Variants in UMOD observed in about 807,000 individuals in gnomAD.
UMOD encodes uromodulin, also known as Tamm-Horsfall urinary glycoprotein.
Under a neutral mutation model 66.0 loss-of-function variants are expected in UMOD, and 64 were observed. The ratio of observed to expected loss-of-function variants is 0.97; its 90% CI spans 0.79 to 1.19. The LOEUF (loss-of-function observed/expected upper bound fraction) is 1.19. UMOD is among the 50% of genes most tolerant of loss of function. The pLI, the probability that UMOD is intolerant of heterozygous loss-of-function variation, is 0.00. For missense variants in UMOD, 764 were observed against 850.9 expected (o/e 0.90, Z 1.27); for synonymous variants, 398 against 352.7 (o/e 1.13, Z -1.44).
intron 7 of UMOD, among the ~76,000 whole-genome samples, chr16:20,340,269 G>A (rs867764546): frequency 4.6e-5 from 7 of 152,042 alleles, no homozygotes; most frequent in African/African-American, 1.7e-4. Flanking sequence ...CTACTCATGA[G>A]GCTAAAGCTG....
upstream of UMOD, chr16:20,356,196 C>T (rs922420116): frequency 2.0e-5 from 3 of 152,246 alleles, no homozygotes; most frequent in East Asian, 5.8e-4. Context: ...CCACCTACCT[C>T]TCTGAGCACA....
chr16:20,345,015 TTTTG>T (rs1157476171), intron 5 of UMOD, among the ~76,000 whole-genome samples: 1 of 152,228 alleles, frequency 6.6e-6, no homozygotes, highest in Non-Finnish European at 1.5e-5. Context: ...AATTATTTCT[TTTTG>T]TTTGTTTGTT....
At chr16:20,349,706 A>G (rs1965796398) in intron 2 of UMOD, 7 of 1,506,752 alleles carry the variant, frequency 4.6e-6, no homozygotes, top group Non-Finnish European at 5.3e-6. Flanking sequence ...GAATTCCTAT[A>G]CTTTGGTAGG....
chr16:20,348,401 C>T lies in UMOD; in HGVS notation c.865+35G>A, dbSNP rs80142672. 0.013 allele frequency: 21,488 copies of T among 1,614,096 alleles called. 894 individuals carry two copies. The highest frequency in any genetic ancestry group is 0.097 in the South Asian group (8,841 of 91,078). ...CCGTCCTCTGCAGTGCCTTTCCAGG[C>T]CTGGGATGAGGACTGTGGGGAGACT... On this transcript the variant is annotated intron_variant, in intron 3 of 10. Transcript: ENST00000396138.
intron 9 of UMOD, among the ~76,000 whole-genome samples, chr16:20,335,891 A>G (rs975098231): frequency 6.6e-6 from 1 of 152,320 alleles, no homozygotes. Context: ...AAGAGAGCCA[A>G]CCTAGCCAAC....
intron 2 of UMOD, 65 bp downstream of exon 2, chr16:20,350,585 C>T: frequency 6.3e-7 from 1 of 1,588,580 alleles, no homozygotes; most frequent in Non-Finnish European, 8.6e-7. Context: ...TACATTGCTT[C>T]CCCCACACAT....
intron 4 of UMOD, among the ~76,000 whole-genome samples, chr16:20,347,248 C>A (rs940654364): frequency 2.6e-5 from 4 of 152,150 alleles, no homozygotes; most frequent in Non-Finnish European, 1.5e-5. Flanking sequence ...GTCTTGAACT[C>A]CTGACCTCAG....
In UMOD at chr16:20,336,705, C is replaced by A; in HGVS notation, c.1763G>T (p.Arg588Leu). 6.2e-7 allele frequency: 1 copy of A among 1,614,128 alleles called. No homozygotes were observed. Among genetic ancestry groups the A allele is most frequent in the Non-Finnish European group, 8.5e-7 (1 of 1,179,998 alleles). ...CKPTCSGTRFRSGSVIDQSRV... is the reference protein window; with the variant it reads ...CKPTCSGTRFLSGSVIDQSRV... ...GGATTGATCTATGACACTCCCACTT[C>A]GGAATCTGGTCCCAGAGCAGGTCTA... Residue 588 changes from arginine to leucine, a missense_variant, in exon 9 of 11, where the codon CGA (arginine) becomes CTA (leucine). Arg to Leu is a moderately radical substitution (Grantham distance 102). Coordinates refer to ENST00000396138, the MANE Select transcript of UMOD (RefSeq NM_003361.4).
Position 20,335,523 on chromosome 16 carries a change from T to G in UMOD, c.1823-3A>C. The G allele has an allele frequency of 3.1e-6, 5 of 1,614,038 alleles. No homozygotes were observed. Among genetic ancestry groups the G allele is most frequent in the Non-Finnish European group, 4.2e-6 (5 of 1,179,938 alleles). On this transcript the variant is annotated splice_region_variant and splice_polypyrimidine_tract_variant and intron_variant, in intron 9 of 10. Coordinates refer to ENST00000396138, the MANE Select transcript of UMOD (RefSeq NM_003361.4). ...CCTTGAGACTGTGGCCTGGACACCTTTGGAGGAAAACAGAAGGATCAGTGA... is the reference window on the plus strand; with the variant it reads ...CCTTGAGACTGTGGCCTGGACACCTGTGGAGGAAAACAGAAGGATCAGTGA...
At chr16:20,341,629 C>G (rs1596548017) in intron 6 of UMOD, among the ~76,000 whole-genome samples, 6 of 152,196 alleles carry the variant, frequency 3.9e-5, no homozygotes, top group Admixed American at 3.9e-4. Context: ...ATGGATCAAT[C>G]ACATCTCAAG....
chr16:20,345,441 TCTTC>T (rs1422001424), intron 5 of UMOD, among the ~76,000 whole-genome samples: 1 of 31,620 alleles, frequency 3.2e-5, no homozygotes, highest in Non-Finnish European at 1.2e-4. Flanking sequence ...TTTCTTTCTT[TCTTC>T]CTTTCTTCCT....
In UMOD at chr16:20,333,329, G is replaced by T. The variant is rs369335930; in HGVS notation, c.1908C>A (p.Thr636=). 4 of 1,613,108 alleles carry T rather than the reference G, an allele frequency of 2.5e-6. No individual in the cohort carries two copies. In the African/African-American group the frequency reaches 5.3e-5, roughly 22 times the overall value. The change falls in exon 11 of 11, where the codon ACC becomes ACA. Residue 636 remains threonine, a synonymous_variant. Transcript: ENST00000396138. ...CCGCTGTCAGTCACTGAAAAGTCAG[G>T]GTCAAGGTGGCCGAGAGAAGCAGAG... is the stretch of plus-strand genomic sequence containing the variant. The part of the protein sequence containing the change: ...WLPLLLSATL[T]LTFQ
chr16:20,347,057 G>A (rs1056806170), intron 4 of UMOD, among the ~76,000 whole-genome samples: 8 of 151,874 alleles, frequency 5.3e-5, no homozygotes, highest in African/African-American at 9.7e-5. Context: ...TCTCTTCGGC[G>A]ACAAGCCCAG....
Position 20,348,466 on chromosome 16 carries a change from G to A in UMOD, c.835C>T (p.Pro279Ser), listed in dbSNP as rs1004428970. 14 of 1,613,148 alleles carry A rather than the reference G, an allele frequency of 8.7e-6. No individual in the cohort carries two copies. Among genetic ancestry groups the A allele is most frequent in the Non-Finnish European group, 1.1e-5 (13 of 1,179,920 alleles). The change falls in exon 3 of 11, where the codon CCC (proline) becomes TCC (serine). Residue 279 changes from proline (P) to serine (S), a missense_variant. Transcript: ENST00000396138. ...CAGTACGCCAGGTGACACTCGGGGG[G>A]CGCTGTCAGGTTGTAGACGTAGTAG... is the stretch of plus-strand genomic sequence containing the variant. ...GGYYVYNLTA[P>S]PECHLAYCTD...
At position 20,348,311 on chromosome 16, in the gene UMOD, C is replaced by A; in HGVS notation, c.885G>T (p.Gly295=). Residue 295 remains glycine, a synonymous_variant, in exon 4 of 11, where the codon GGG becomes GGT. Transcript: ENST00000396138. The stretch of plus-strand genomic sequence containing the variant: ...CGTCTATACTGCACTCCTCACACGT[C>A]CCCTCCACGGAGCTGGGGTCTGCAG... The part of the protein sequence containing the change: ...AYCTDPSSVE[G]TCEECSIDED... 6.2e-7 allele frequency: 1 copy of A among 1,614,142 alleles called. No individual in the cohort carries two copies. Among genetic ancestry groups the A allele is most frequent in the East Asian group, 2.2e-5 (1 of 44,890 alleles).
intron 7 of UMOD, among the ~76,000 whole-genome samples, chr16:20,338,890 G>A (rs1965027721): frequency 6.6e-6 from 1 of 152,142 alleles, no homozygotes; most frequent in Non-Finnish European, 1.5e-5. Flanking sequence ...CTCCCAAGTA[G>A]CTGGGATGAC....
chr16:20,341,241 G>A lies in UMOD; in HGVS notation c.1427C>T (p.Ser476Phe). The A allele has an allele frequency of 6.2e-7, 1 of 1,614,108 alleles. No homozygotes were observed. Residue 476 changes from serine to phenylalanine, a missense_variant, in exon 7 of 11, where the codon TCC becomes TTC. Transcript: ENST00000396138. ...AAAAGCCTCAGTGGACAGTGTCACG[G>A]AGGAGCCTTGGTAGGGCTGCGTGTA... Reference protein sequence around the residue: ...PSYTQPYQGSSVTLSTEAFLY... With the variant: ...PSYTQPYQGSFVTLSTEAFLY...
intron 2 of UMOD, chr16:20,349,833 C>T (rs1243242526): frequency 6.5e-7 from 1 of 1,549,626 alleles, no homozygotes; most frequent in Middle Eastern, 1.7e-4. Context: ...CTGCGGAGTC[C>T]TCCAACTCCA....
intron 2 of UMOD, chr16:20,349,973 T>C (rs1013207349): frequency 4.7e-6 from 6 of 1,289,888 alleles, no homozygotes; most frequent in Non-Finnish European, 6.2e-6. Flanking sequence ...CACTATCTTG[T>C]TGAATACTTC....
Sources: gnomAD v4.1 joint callset for allele counts (sites outside exome capture counted in the v4.1 genomes callset) on GRCh38, gnomAD v4.1.1 for gene constraint, MANE v1.5 for transcripts, NCBI Gene and HGNC (gene_info 2026-07-23, HGNC 2026-07-21) for gene names.